The following DMTN variants were observed in gnomAD, a reference collection of about 807,000 sequenced individuals.
DMTN encodes the protein dematin.
Under a neutral mutation model 59.4 loss-of-function variants are expected in DMTN, and 27 were observed. The observed-to-expected ratio is 0.45, with a 90% CI of 0.33 to 0.63. The LOEUF (loss-of-function observed/expected upper bound fraction) is 0.63, where lower values mean the gene tolerates loss of function less well. DMTN is among the 20% of genes least tolerant of loss of function. The pLI, the probability that DMTN is intolerant of heterozygous loss-of-function variation, is 0.02. For synonymous variants in DMTN, 221 were observed against 203.7 expected (o/e 1.08, Z -0.72); for missense variants, 451 against 528.9 (o/e 0.85, Z 1.45).
Position 22,058,673 on chromosome 8 carries a change from G to T in DMTN, c.-172+1537G>T, listed in dbSNP as rs1031419442. On this transcript the variant is annotated intron_variant, in intron 1 of 15. Coordinates refer to ENST00000358242, the MANE Select transcript of DMTN (RefSeq NM_001387751.1). The surrounding 1 kb of genome is among the most constrained non-coding windows in gnomAD (Gnocchi z 4.3). ...CTGGGCTCCCCACCCACCCAGGCCT[G>T]GTCCTTTATCCGAGTATGAGAGGGT... Among the ~76,000 whole-genome samples the T allele has an allele frequency of 6.6e-6, 1 of 151,902 alleles. No homozygotes were observed. Among genetic ancestry groups the T allele is most frequent in the African/African-American group, 2.4e-5 (1 of 41,344 alleles).
intron 8 of DMTN, among the ~76,000 whole-genome samples, chr8:22,070,769 A>AT (rs1438957902): frequency 6.6e-6 from 1 of 152,140 alleles, no homozygotes; most frequent in African/African-American, 2.4e-5. Context: ...TTTTTATGAT[A>AT]TTGTTATCTG....
At position 22,057,111 on chromosome 8, in the gene DMTN, G is replaced by T. The variant is rs538953816; in HGVS notation, c.-197G>T. ...TCTCGGGCCTCTGTGGCCTCAGAGC[G>T]TCTGGGCCACACTGTCTGGGAAGAG... is the stretch of plus-strand genomic sequence containing the variant. On this transcript the variant is annotated 5_prime_UTR_variant, in exon 1 of 16. Transcript: ENST00000358242. The T allele has an allele frequency of 2.0e-5, 3 of 152,350 alleles. No homozygotes were observed. The highest frequency in any genetic ancestry group is 4.8e-5 in the African/African-American group (2 of 41,452). The allele number at this position is 152,350 out of a possible 1,614,324, so 9.4% of individuals were successfully genotyped here.
At chr8:22,064,728 G>T (rs1326683919) in intron 1 of DMTN, among the ~76,000 whole-genome samples, 1 of 152,166 alleles carries the variant, frequency 6.6e-6, no homozygotes, top group Non-Finnish European at 1.5e-5. Context: ...AAAGTGCTGG[G>T]ATTACAGGTG....
chr8:22,056,062 A>T (rs532563297), upstream of DMTN, among the ~76,000 whole-genome samples: 3 of 152,322 alleles, frequency 2.0e-5, no homozygotes, highest in African/African-American at 7.2e-5. Context: ...CGAAAGGCCA[A>T]TGAGAGGCTC....
chr8:22,064,490 G>A (rs972725774), intron 1 of DMTN, among the ~76,000 whole-genome samples: 12 of 151,630 alleles, frequency 7.9e-5, no homozygotes, highest in Admixed American at 6.6e-4. Context: ...ACGGAGTCTC[G>A]CTCTGTCGCC....
intron 10 of DMTN, among the ~76,000 whole-genome samples, chr8:22,075,323 T>C (rs1321502360): frequency 1.4e-5 from 2 of 139,662 alleles, no homozygotes; most frequent in Admixed American, 7.1e-5. Flanking sequence ...TCCCCCTTCT[T>C]CTTCTTCTTT....
At position 22,070,688 on chromosome 8, in the gene DMTN, T is replaced by A. The variant is rs182724349; in HGVS notation, c.604+354T>A. Among the ~76,000 whole-genome samples the A allele has an allele frequency of 1.3e-4, 20 of 152,370 alleles. No homozygotes were observed. The East Asian group carries it at 2.3e-3, about 18-fold the overall frequency. On this transcript the variant is annotated intron_variant, in intron 8 of 15. Transcript: ENST00000358242. The stretch of plus-strand genomic sequence containing the variant: ...CCCCAGCGAATTTTATTTTAATTTT[T>A]ATTTTTATCCATTTATGGGGTACAG...
intron 10 of DMTN, among the ~76,000 whole-genome samples, chr8:22,076,122 G>A (rs1221380488): frequency 1.3e-5 from 2 of 152,092 alleles, no homozygotes; most frequent in East Asian, 1.9e-4. Flanking sequence ...TAAGAGAGGC[G>A]GATTTTCAGG....
chr8:22,080,505 A>G (rs1823448556), intron 12 of DMTN, 45 bp downstream of exon 12: 2 of 1,613,878 alleles, frequency 1.2e-6, no homozygotes, highest in Non-Finnish European at 1.7e-6. Flanking sequence ...AGGGGCTTAC[A>G]CAGGTCCCTG....
intron 1 of DMTN, among the ~76,000 whole-genome samples, chr8:22,065,302 C>G (rs1009811309): frequency 6.6e-6 from 1 of 152,298 alleles, no homozygotes. Flanking sequence ...CCACATAGCT[C>G]TTATTGTTGT....
In DMTN at chr8:22,060,396, TTCTC is replaced by T. The variant is rs984748346; in HGVS notation, c.-172+3264_-172+3267del. Reference sequence around the variant, plus strand: ...GAAGCCAAGGAAACTCTCTCTCTCTTTCTCTCTTTCTGTCTCGCTCTCTCTCTCT... The same window carrying T: ...GAAGCCAAGGAAACTCTCTCTCTCTTTCTTTCTGTCTCGCTCTCTCTCTCT... On this transcript the variant is annotated intron_variant, in intron 1 of 15. Coordinates refer to ENST00000358242, the MANE Select transcript of DMTN (RefSeq NM_001387751.1). This position sits in a 1 kb window ranked among gnomAD's most constrained non-coding sequence, Gnocchi z 5.0. 4.8e-5 allele frequency among the ~76,000 whole-genome samples: 7 copies of T among 144,958 alleles called. 1 individual carries two copies. The highest frequency in any genetic ancestry group is 1.6e-4 in the African/African-American group (6 of 38,154).
upstream of DMTN, among the ~76,000 whole-genome samples, chr8:22,055,724 C>T (rs182649092): frequency 1.3e-5 from 2 of 152,246 alleles, no homozygotes; most frequent in Admixed American, 1.3e-4. Context: ...CTCCTTCCTT[C>T]CTCCCTTCTC....
At chr8:22,057,610 G>A (rs1803403354) in intron 1 of DMTN, among the ~76,000 whole-genome samples, 1 of 152,148 alleles carries the variant, frequency 6.6e-6, no homozygotes, top group South Asian at 2.1e-4. Flanking sequence ...AGGAGAGCCT[G>A]CCCCCAGCCA....
chr8:22,073,255 G>C (rs1335535899), intron 9 of DMTN, among the ~76,000 whole-genome samples: 1 of 152,180 alleles, frequency 6.6e-6, no homozygotes, highest in African/African-American at 2.4e-5. Context: ...GTGAGCTCCA[G>C]GGCACAAACC....
At chr8:22,067,756 C>A in intron 4 of DMTN, 74 bp downstream of exon 4, 1 of 1,543,838 alleles carries the variant, frequency 6.5e-7, no homozygotes, top group Non-Finnish European at 8.7e-7. Flanking sequence ...CCGATCCCTC[C>A]CGTGCTTCCT....
chr8:22,062,162 CT>C (rs1250249178), intron 1 of DMTN, among the ~76,000 whole-genome samples: 1 of 152,038 alleles, frequency 6.6e-6, no homozygotes, highest in Non-Finnish European at 1.5e-5. Context: ...ATGATCATAG[CT>C]CACTGCAGCC....
rs1563556899 is a variant in DMTN at position 22,081,364 on chromosome 8, C to T, written c.1119C>T (p.Ala373=). The stretch of plus-strand genomic sequence containing the variant: ...CCCCCATGTAGAGGCATCTGTCTGC[C>T]GAGGACTTCTCAAGGGTATTTGCCA... ...DRMRLERHLS[A]EDFSRVFAMS... The change falls in exon 16 of 16, where the codon GCC becomes GCT. Residue 373 remains alanine, a synonymous_variant. Transcript: ENST00000358242. The T allele has an allele frequency of 4.3e-6, 7 of 1,613,922 alleles. No individual in the cohort carries two copies. The highest frequency in any genetic ancestry group is 1.7e-5 in the Admixed American group (1 of 59,994).
chr8:22,082,391 A>AT lies in DMTN; in HGVS notation c.*929dup. ...ACTTCTTTCCAGTCCACGTGTGTAT[A>AT]TAATGATATCTATATTTTTGCCCAG... On this transcript the variant is annotated 3_prime_UTR_variant, in exon 16 of 16. Transcript: ENST00000358242. 1 of 366,312 alleles carries AT rather than the reference A, an allele frequency of 2.7e-6. No homozygotes were observed. Among genetic ancestry groups the AT allele is most frequent in the Non-Finnish European group, 5.5e-6 (1 of 182,682 alleles). 22.7% of individuals were successfully genotyped at this position (366,312 alleles called of 1,614,324 possible).
intron 4 of DMTN, among the ~76,000 whole-genome samples, chr8:22,068,604 G>T (rs1299595182): frequency 2.0e-5 from 3 of 151,766 alleles, no homozygotes; most frequent in Non-Finnish European, 1.5e-5. Context: ...AAGAATAAGA[G>T]ACAAGAGAGA....
Sources: allele counts gnomAD v4.1 joint callset (sites outside exome capture counted in the v4.1 genomes callset), GRCh38; gene constraint gnomAD v4.1.1; non-coding constraint Gnocchi (gnomAD v3.1); transcripts MANE v1.5; gene names NCBI Gene and HGNC (gene_info 2026-07-23, HGNC 2026-07-21).